Variants in NFIX observed in about 807,000 individuals in gnomAD.
NFIX encodes nuclear factor 1 X-type.
A neutral mutation model predicts 53.3 loss-of-function variants in NFIX; 2 were observed. The observed-to-expected ratio is 0.04, with a 90% CI of 0.02 to 0.12. The LOEUF is 0.12. Among genes scored for constraint, NFIX ranks in the 10% least tolerant of loss-of-function variants. The pLI, the probability that NFIX is intolerant of heterozygous loss-of-function variation, is 1.00. For synonymous variants in NFIX, 244 were observed against 289.0 expected (o/e 0.84, Z 1.58); for missense variants, 310 against 674.5 (o/e 0.46, Z 5.99).
chr19:13,041,421 T>G (rs1425692357), intron 2 of NFIX, among the ~76,000 whole-genome samples: 1 of 152,254 alleles, frequency 6.6e-6, no homozygotes, highest in African/African-American at 2.4e-5. Flanking sequence ...TTAACTTTTG[T>G]TGCATTTTCC....
rs1275261361 is a variant in NFIX at position 13,028,310 on chromosome 19, C to T, written c.559+2758C>T. 6.6e-6 allele frequency among the ~76,000 whole-genome samples: 1 copy of T among 152,174 alleles called. No individual in the cohort carries two copies. Among genetic ancestry groups the T allele is most frequent in the Non-Finnish European group, 1.5e-5 (1 of 68,034 alleles). ...GCTCAGACAAGAGCTGCTTTGGACT[C>T]TGAAATAAGTGTTTTTCCTTTTCTT... On this transcript the variant is annotated intron_variant, in intron 2 of 10. Coordinates refer to ENST00000592199, the MANE Select transcript of NFIX (RefSeq NM_001365902.3). The surrounding 1 kb of genome is among the most constrained non-coding windows in gnomAD (Gnocchi z 4.2).
intron 1 of NFIX, among the ~76,000 whole-genome samples, chr19:13,000,669 A>C (rs1238744113): frequency 6.6e-6 from 1 of 152,068 alleles, no homozygotes; most frequent in Non-Finnish European, 1.5e-5. Context: ...ATTCATCCAA[A>C]TGTATGTGGG....
At chr19:13,003,321 C>T (rs368023443) in intron 1 of NFIX, among the ~76,000 whole-genome samples, 2 of 152,326 alleles carry the variant, frequency 1.3e-5, no homozygotes, top group South Asian at 2.1e-4. Context: ...CACTCAGGGA[C>T]GTGCATGTGG....
intron 6 of NFIX, among the ~76,000 whole-genome samples, chr19:13,077,530 A>G (rs1157465296): frequency 1.3e-5 from 2 of 152,142 alleles, no homozygotes; most frequent in East Asian, 3.9e-4. Context: ...GGTGGCACAC[A>G]GCTGCTGCCA....
chr19:12,995,870 G>T lies in NFIX; in HGVS notation c.27+6G>T. On this transcript the variant is annotated splice_donor_region_variant and intron_variant, in intron 1 of 10. Transcript: ENST00000592199. ...CCCCGTACTGCCTCACCCAGGTACC[G>T]GCCGCCGCCCCCGCGCGACCGGGGG... 2.0e-6 allele frequency: 2 copies of T among 979,212 alleles called. No homozygotes were observed. Among genetic ancestry groups the T allele is most frequent in the Non-Finnish European group, 2.4e-6 (2 of 827,820 alleles). The allele number at this position is 979,212 out of a possible 1,614,324, so 60.7% of individuals were successfully genotyped here. A position where few individuals can be genotyped will look rare whatever the true frequency, so the allele number is the denominator to read the frequency against.
In NFIX at chr19:13,014,022, A is replaced by AT; in HGVS notation, c.28-10998dup. 1 of 152,236 alleles carries AT rather than the reference A, an allele frequency of 6.6e-6. No homozygotes were observed. Among genetic ancestry groups the AT allele is most frequent in the Non-Finnish European group, 1.5e-5 (1 of 68,042 alleles). The allele number at this position is 152,236 out of a possible 1,614,324, so 9.4% of individuals were successfully genotyped here. A position where few individuals can be genotyped will look rare whatever the true frequency, so the allele number is the denominator to read the frequency against. ...AATACCAGCTTTGTTGAGGGTTAGA[A>AT]TATATCATTGGCTAATGTGTGTGGT... On this transcript the variant is annotated intron_variant, in intron 1 of 10. Coordinates refer to ENST00000592199, the MANE Select transcript of NFIX (RefSeq NM_001365902.3). The surrounding 1 kb of genome is among the most constrained non-coding windows in gnomAD (Gnocchi z 4.4).
At position 13,073,816 on chromosome 19, in the gene NFIX, G is replaced by T; in HGVS notation, c.698-90G>T. 1 of 1,559,118 alleles carries T rather than the reference G, an allele frequency of 6.4e-7. No individual in the cohort carries two copies. ...CCTGGCCCCACAGTAAACTCACCCTGGGCTTCTGGGAAGCTGTTCATGACA... is the reference window on the plus strand; with the variant it reads ...CCTGGCCCCACAGTAAACTCACCCTTGGCTTCTGGGAAGCTGTTCATGACA... On this transcript the variant is annotated intron_variant, in intron 4 of 10. Coordinates refer to ENST00000592199, the MANE Select transcript of NFIX (RefSeq NM_001365902.3). The surrounding 1 kb of genome is among the most constrained non-coding windows in gnomAD (Gnocchi z 4.5).
chr19:13,013,815 GTCGCCCCGATTC>G lies in NFIX; in HGVS notation c.28-11203_28-11192del, dbSNP rs890710694. 1 of 152,186 alleles carries G rather than the reference GTCGCCCCGATTC, an allele frequency of 6.6e-6. No individual in the cohort carries two copies. Among genetic ancestry groups the G allele is most frequent in the African/African-American group, 2.4e-5 (1 of 41,446 alleles). 9.4% of individuals were successfully genotyped at this position (152,186 alleles called of 1,614,324 possible). On this transcript the variant is annotated intron_variant, in intron 1 of 10. Coordinates refer to ENST00000592199, the MANE Select transcript of NFIX (RefSeq NM_001365902.3). The surrounding 1 kb of genome is among the most constrained non-coding windows in gnomAD (Gnocchi z 5.9). ...CGCCTGTCCCGCGACTGAGCTTGCGGTCGCCCCGATTCTCTAGTAGACCCTGGCGTGGGGCAC... is the reference window on the plus strand; with the variant it reads ...CGCCTGTCCCGCGACTGAGCTTGCGGTCTAGTAGACCCTGGCGTGGGGCAC...
At chr19:13,070,194 G>C (rs1292077103) in intron 2 of NFIX, 3 of 152,318 alleles carry the variant, frequency 2.0e-5, no homozygotes, top group Admixed American at 1.3e-4. Context: ...GCAGCCACTG[G>C]CTGGTTCCTG....
chr19:13,061,082 ACC>A lies in NFIX; in HGVS notation c.560-11958_560-11957del, dbSNP rs33987685. On this transcript the variant is annotated intron_variant, in intron 2 of 10. Transcript: ENST00000592199. The stretch of plus-strand genomic sequence containing the variant: ...TACTCCGGGAGTCACGTGGCCTTAG[ACC>A]CCCCCCTCCCCCCCAAATCGAGGGC... Among the ~76,000 whole-genome samples, 4 of 136,880 alleles carry A rather than the reference ACC, an allele frequency of 2.9e-5. No individual in the cohort carries two copies. In the South Asian group the frequency reaches 9.8e-4, roughly 34 times the overall value. 89.8% of individuals were successfully genotyped at this position (136,880 alleles called of 152,430 possible). A position where few individuals can be genotyped will look rare whatever the true frequency, so the allele number is the denominator to read the frequency against.
intron 2 of NFIX, among the ~76,000 whole-genome samples, chr19:13,026,465 T>C (rs1339843144): frequency 6.6e-6 from 1 of 152,200 alleles, no homozygotes; most frequent in Non-Finnish European, 1.5e-5. Context: ...AGTTTTACCC[T>C]GCATTTTGGG....
At chr19:13,010,382 C>T (rs1180036368) in intron 1 of NFIX, among the ~76,000 whole-genome samples, 1 of 152,254 alleles carries the variant, frequency 6.6e-6, no homozygotes, top group Non-Finnish European at 1.5e-5. Flanking sequence ...ACACCCCAGC[C>T]CGGCAACTCG....
intron 6 of NFIX, among the ~76,000 whole-genome samples, chr19:13,077,548 C>T (rs1054603012): frequency 9.2e-5 from 14 of 152,192 alleles, no homozygotes; most frequent in Admixed American, 5.9e-4. Flanking sequence ...CCAGATAACA[C>T]CTCCGCTGGC....
At chr19:13,008,485 G>T (rs1476289198) in intron 1 of NFIX, among the ~76,000 whole-genome samples, 1 of 152,160 alleles carries the variant, frequency 6.6e-6, no homozygotes, top group Non-Finnish European at 1.5e-5. Context: ...GGGTTCTCCG[G>T]GTCCCGGGAG....
intron 1 of NFIX, among the ~76,000 whole-genome samples, chr19:13,015,142 G>A (rs948944766): frequency 6.6e-6 from 1 of 151,968 alleles, no homozygotes; most frequent in African/African-American, 2.4e-5. Context: ...CTTGTTATTT[G>A]GTCCTTAGAC....
chr19:13,006,084 G>A lies in NFIX; in HGVS notation c.27+10220G>A, dbSNP rs577062504. On this transcript the variant is annotated intron_variant, in intron 1 of 10. Transcript: ENST00000592199. This position sits in a 1 kb window ranked among gnomAD's most constrained non-coding sequence, Gnocchi z 5.6. ...CAAAATCTGCAAAGATGCCAGCCCC[G>A]GTGGGAGGGCAGACTGTGAATCTGA... is the stretch of plus-strand genomic sequence containing the variant. Among the ~76,000 whole-genome samples, 12 of 152,336 alleles carry A rather than the reference G, an allele frequency of 7.9e-5. No individual in the cohort carries two copies. Among genetic ancestry groups the A allele is most frequent in the South Asian group, 6.2e-4 (3 of 4,834 alleles).
At chr19:13,017,788 T>C (rs1364798745) in intron 1 of NFIX, among the ~76,000 whole-genome samples, 2 of 152,266 alleles carry the variant, frequency 1.3e-5, no homozygotes, top group Non-Finnish European at 2.9e-5. Context: ...GGTCTCTCTT[T>C]GCCTTGCCTT....
At chr19:13,046,864 TCA>T (rs1390487248) in intron 2 of NFIX, among the ~76,000 whole-genome samples, 1 of 152,106 alleles carries the variant, frequency 6.6e-6, no homozygotes, top group African/African-American at 2.4e-5. Flanking sequence ...TTGGTCTAAA[TCA>T]CAGAGCCTGA....
At chr19:13,070,304 GC>G (rs1195588278) in intron 2 of NFIX, 1 of 152,376 alleles carries the variant, frequency 6.6e-6, no homozygotes, top group Non-Finnish European at 1.5e-5. Context: ...GGTGCCTGCG[GC>G]CCTATCGGGG....
Sources: allele counts gnomAD v4.1 joint callset (sites outside exome capture counted in the v4.1 genomes callset), GRCh38; gene constraint gnomAD v4.1.1; non-coding constraint Gnocchi (gnomAD v3.1); transcripts MANE v1.5; gene names NCBI Gene and HGNC (gene_info 2026-07-23, HGNC 2026-07-21).